The following USP34 variants were observed in gnomAD, a reference collection of about 807,000 sequenced individuals.
USP34 encodes the protein ubiquitin carboxyl-terminal hydrolase 34.
In USP34, 70 loss-of-function variants were observed where a neutral mutation model predicts 460.3. The observed-to-expected ratio is 0.15, with a 90% CI of 0.13 to 0.19. The LOEUF (loss-of-function observed/expected upper bound fraction) is 0.19, where lower values mean the gene tolerates loss of function less well. USP34 is among the 10% of genes least tolerant of loss of function. The probability of loss-of-function intolerance (pLI) is 1.00; values close to 1 mark genes in which losing one functional copy is unlikely to be tolerated. For synonymous variants in USP34, 1,647 were observed against 1,405.3 expected, an observed-to-expected ratio of 1.17 and a Z score of -3.85; for missense variants, 3,985 against 4,236.2, an observed-to-expected ratio of 0.94 and a Z score of 1.65.
intron 25 of USP34, among the ~76,000 whole-genome samples, 154 bp downstream of exon 25, chr2:61,314,431 A>T (rs1385445815): frequency 3.9e-5 from 6 of 152,170 alleles, no homozygotes; most frequent in Admixed American, 3.9e-4. Context: ...TATATTCTTA[A>T]TAAAAATTAC....
At chr2:61,216,212 T>C (rs1687392088) in intron 67 of USP34, among the ~76,000 whole-genome samples, 1 of 152,238 alleles carries the variant, frequency 6.6e-6, no homozygotes, top group Non-Finnish European at 1.5e-5. Context: ...CTCAGTTTGT[T>C]ATGTGTTTCA....
At chr2:61,250,867 G>A (rs1009377655) in intron 48 of USP34, among the ~76,000 whole-genome samples, 27 of 152,152 alleles carry the variant, frequency 1.8e-4, no homozygotes, top group Admixed American at 4.6e-4. Context: ...GGCTGGGTGC[G>A]GTGGCTCACG....
At chr2:61,381,829 T>G (rs1258846960) in intron 6 of USP34, among the ~76,000 whole-genome samples, 1 of 152,146 alleles carries the variant, frequency 6.6e-6, no homozygotes, top group Non-Finnish European at 1.5e-5. Flanking sequence ...AACTACAAGT[T>G]CATACTCCCA....
intron 23 of USP34, among the ~76,000 whole-genome samples, chr2:61,315,389 T>G (rs74864591): frequency 6.6e-6 from 1 of 152,016 alleles, no homozygotes; most frequent in Non-Finnish European, 1.5e-5. Context: ...TTTTTTTTTT[T>G]GAGAACAGAG....
At chr2:61,265,790 G>T (rs547368589) in intron 42 of USP34, 194 bp downstream of exon 42, 3 of 698,156 alleles carry the variant, frequency 4.3e-6, no homozygotes, top group Non-Finnish European at 6.1e-6. Flanking sequence ...TACAGAAAAA[G>T]CCGAAGTATT....
chr2:61,305,796 T>C (rs1241446210), intron 27 of USP34, among the ~76,000 whole-genome samples: 1 of 152,112 alleles, frequency 6.6e-6, no homozygotes. Context: ...TCCCCGTCGT[T>C]GGCTGTAAAG....
At chr2:61,370,719 T>A in intron 8 of USP34, 140 bp from the exon 9 acceptor site, 1 of 673,636 alleles carries the variant, frequency 1.5e-6, no homozygotes, top group Non-Finnish European at 2.5e-6. Context: ...TATAGAATAC[T>A]ACAAAGCATA....
intron 53 of USP34, among the ~76,000 whole-genome samples, chr2:61,239,756 C>T (rs1190759840): frequency 6.6e-6 from 1 of 152,160 alleles, no homozygotes; most frequent in South Asian, 2.1e-4. Context: ...ATCCTGTAAT[C>T]CCAGCACTTT....
intron 21 of USP34, 129 bp from the exon 22 acceptor site, chr2:61,319,456 T>C (rs1427081676): frequency 2.0e-6 from 1 of 500,506 alleles, no homozygotes; most frequent in Admixed American, 4.2e-5. Context: ...CAATTTTAAT[T>C]GAAATGATGC....
intron 15 of USP34, among the ~76,000 whole-genome samples, chr2:61,346,831 C>CA (rs776311612): frequency 0.11 from 3,060 of 28,378 alleles, 124 homozygotes; most frequent in African/African-American, 0.14. Context: ...GATTCCAACT[C>CA]AAAAAAAAAA....
chr2:61,359,562 T>C (rs954180792), intron 10 of USP34, among the ~76,000 whole-genome samples: 1 of 152,078 alleles, frequency 6.6e-6, no homozygotes, highest in Non-Finnish European at 1.5e-5. Flanking sequence ...ACGCCAAAAA[T>C]AGTCAACAAC....
intron 43 of USP34, chr2:61,265,159 G>A (rs751195842): frequency 4.9e-5 from 22 of 447,694 alleles, no homozygotes; most frequent in Non-Finnish European, 8.2e-5. Context: ...TGTATACACT[G>A]AGCATGCATA....
intron 57 of USP34, 107 bp downstream of exon 57, chr2:61,235,738 G>T: frequency 2.0e-6 from 2 of 1,016,190 alleles, no homozygotes; most frequent in Non-Finnish European, 2.9e-6. Flanking sequence ...ACTTCCATTT[G>T]GCTCCCTGTG....
intron 59 of USP34, 54 bp downstream of exon 59, chr2:61,229,489 CAAAAA>C (rs1687830902): frequency 9.8e-6 from 4 of 409,672 alleles, no homozygotes; most frequent in East Asian, 7.9e-5. Context: ...AAAAAAAAAA[CAAAAA>C]CACCACACAC....
At chr2:61,279,492 T>C (rs1012200300) in intron 39 of USP34, among the ~76,000 whole-genome samples, 4 of 151,902 alleles carry the variant, frequency 2.6e-5, no homozygotes, top group African/African-American at 7.3e-5. Context: ...TGAGACGGAG[T>C]TTCACTCTGT....
intron 8 of USP34, among the ~76,000 whole-genome samples, chr2:61,375,972 A>G (rs1293250857): frequency 2.6e-5 from 4 of 151,498 alleles, no homozygotes; most frequent in Non-Finnish European, 5.9e-5. Context: ...GAAAATGACT[A>G]CTATCATTTG....
At position 61,190,637 on chromosome 2, in the gene USP34, T is replaced by G. The variant is rs758254333; in HGVS notation, c.9610A>C (p.Ile3204Leu). Residue 3204 changes from isoleucine (I) to leucine (L), a missense_variant, in exon 77 of 80, where the codon ATC becomes CTC. This residue lies in a region of USP34 where 506 missense variants were observed against 439.0 expected (regional missense o/e 1.15). Coordinates refer to ENST00000398571, the MANE Select transcript of USP34 (RefSeq NM_014709.4). Reference sequence around the variant, plus strand: ...ACAGGATCTTCACACAAAAGCTTGATGCAGTTTTTTGACATAGCAGACTAA... The same window carrying G: ...ACAGGATCTTCACACAAAAGCTTGAGGCAGTTTTTTGACATAGCAGACTAA... ...QTQSAMSKNC[I>L]KLLCEDPVFA... 6.2e-7 allele frequency: 1 copy of G among 1,613,860 alleles called. No individual in the cohort carries two copies. Among genetic ancestry groups the G allele is most frequent in the Admixed American group, 1.7e-5 (1 of 59,960 alleles).
At chr2:61,242,680 G>T (rs111798143) in intron 51 of USP34, among the ~76,000 whole-genome samples, 4 of 152,244 alleles carry the variant, frequency 2.6e-5, no homozygotes, top group African/African-American at 9.6e-5. Flanking sequence ...AGAACTTAAA[G>T]ACTGTTTCTT....
Position 61,295,040 on chromosome 2 carries a change from A to C in USP34, c.4378-8T>G. The C allele has an allele frequency of 6.2e-7, 1 of 1,609,250 alleles. No individual in the cohort carries two copies. The highest frequency in any genetic ancestry group is 8.5e-7 in the Non-Finnish European group (1 of 1,178,564). ...AAGATCACTGTAACTTCCCTATGAG[A>C]AAGGCAAAAAAAGTAAGGCAGAATG... On this transcript the variant is annotated splice_polypyrimidine_tract_variant and splice_region_variant and intron_variant, in intron 31 of 79. Coordinates refer to ENST00000398571, the MANE Select transcript of USP34 (RefSeq NM_014709.4).
Sources: gnomAD v4.1 joint callset for allele counts (sites outside exome capture counted in the v4.1 genomes callset) on GRCh38, gnomAD v4.1.1 for gene constraint, gnomAD v4.1.1 regional missense constraint, MANE v1.5 for transcripts, NCBI Gene and HGNC (gene_info 2026-07-23, HGNC 2026-07-21) for gene names.